The following CPNE5 variants were observed in gnomAD, a reference collection of about 807,000 sequenced individuals.
CPNE5 encodes copine 5.
CPNE5 carries 42 observed loss-of-function variants against 81.1 expected under a neutral mutation model. The ratio of observed to expected loss-of-function variants is 0.52; its 90% CI spans 0.40 to 0.67. CPNE5 has a LOEUF of 0.67. Ranked by LOEUF, CPNE5 falls within the 30% of genes least tolerant of loss-of-function variation. CPNE5 has a pLI of 0.00. For synonymous variants in CPNE5, 313 were observed against 321.5 expected, an observed-to-expected ratio of 0.97 and a Z score of 0.28; for missense variants, 612 against 815.5, an observed-to-expected ratio of 0.75 and a Z score of 3.04.
rs1561833514 is a variant in CPNE5, at chr6:36,834,302, AGGGAGGG to A, written c.95+4974_95+4980del. Among the ~76,000 whole-genome samples the A allele has an allele frequency of 3.4e-3, 259 of 76,962 alleles. 4 individuals carry two copies. The highest frequency in any genetic ancestry group is 0.014 in the African/African-American group (248 of 17,506). The allele number at this position is 76,962 out of a possible 152,430, so 50.5% of individuals were successfully genotyped here. A position where few individuals can be genotyped will look rare whatever the true frequency, so the allele number is the denominator to read the frequency against. ...AAGGAAGGAAGGGAGGGAGGGAGGG[AGGGAGGG>A]AGGAAGGAAGGAAAGAAAAAAAAAA... is the stretch of plus-strand genomic sequence containing the variant. On this transcript the variant is annotated intron_variant, in intron 1 of 20. Transcript: ENST00000244751.
intron 10 of CPNE5, among the ~76,000 whole-genome samples, chr6:36,765,739 A>G (rs533594455): frequency 6.6e-6 from 1 of 151,948 alleles, no homozygotes; most frequent in African/African-American, 2.4e-5. Flanking sequence ...GGGAGGTGGG[A>G]GTGTGGTGCT....
rs1772107055 is a variant in CPNE5 at position 36,822,144 on chromosome 6, G to A, written c.153C>T (p.Thr51=). Residue 51 remains threonine (T), a synonymous_variant, in exon 3 of 21, where the codon ACC becomes ACT. Transcript: ENST00000244751. The part of the protein sequence containing the change: ...SKSDPLCVMY[T]QGMENKQWRE... ...GCCACTGCTTGTTCTCCATCCCTTG[G>A]GTATACATGACGCACACTGCGGGGG... The A allele has an allele frequency of 6.5e-7, 1 of 1,536,114 alleles. No individual in the cohort carries two copies. The highest frequency in any genetic ancestry group is 8.8e-7 in the Non-Finnish European group (1 of 1,135,520).
chr6:36,778,499 T>C (rs763741437), intron 9 of CPNE5, among the ~76,000 whole-genome samples: 13 of 152,046 alleles, frequency 8.6e-5, no homozygotes, highest in Non-Finnish European at 1.6e-4. Context: ...TTGTGTAGAA[T>C]GAAGGAGCTA....
chr6:36,781,857 G>A (rs1319463704), intron 8 of CPNE5, among the ~76,000 whole-genome samples: 1 of 152,188 alleles, frequency 6.6e-6, no homozygotes, highest in Admixed American at 6.5e-5. Context: ...CCTTCCCACA[G>A]AGGTGACCCG....
chr6:36,829,979 G>C (rs1357537816), intron 1 of CPNE5, among the ~76,000 whole-genome samples: 4 of 152,012 alleles, frequency 2.6e-5, no homozygotes, highest in African/African-American at 9.7e-5. Context: ...TGGAGTGGGA[G>C]AGAGATGACA....
Position 36,756,953 on chromosome 6 carries a change from G to A in CPNE5, c.856-655C>T, listed in dbSNP as rs1451585762. On this transcript the variant is annotated intron_variant, in intron 12 of 20. Coordinates refer to ENST00000244751, the MANE Select transcript of CPNE5 (RefSeq NM_020939.2). Reference sequence around the variant, plus strand: ...CAACCAGGGGCGATTTTACCCCCAGGAACGTTTGGTAACATCTGGAGACGG... The same window carrying A: ...CAACCAGGGGCGATTTTACCCCCAGAAACGTTTGGTAACATCTGGAGACGG... Among the ~76,000 whole-genome samples the A allele has an allele frequency of 5.3e-5, 8 of 152,210 alleles. No homozygotes were observed. The East Asian group carries it at 1.3e-3, about 26-fold the overall frequency.
Position 36,746,335 on chromosome 6 carries a change from C to A in CPNE5, c.1200+61G>T. ...GAGGAAGGGAAACGTCCCCCCACCC[C>A]CAGCTTGTCACCTCACCCCCAGCCT... is the stretch of plus-strand genomic sequence containing the variant. On this transcript the variant is annotated intron_variant, in intron 16 of 20. Transcript: ENST00000244751. The surrounding 1 kb of genome is among the most constrained non-coding windows in gnomAD (Gnocchi z 4.5). The A allele has an allele frequency of 7.1e-7, 1 of 1,402,980 alleles. No homozygotes were observed. Among genetic ancestry groups the A allele is most frequent in the South Asian group, 1.3e-5 (1 of 76,032 alleles). The allele number at this position is 1,402,980 out of a possible 1,614,324, so 86.9% of individuals were successfully genotyped here. A position where few individuals can be genotyped will look rare whatever the true frequency, so the allele number is the denominator to read the frequency against.
intron 1 of CPNE5, chr6:36,827,768 G>A: frequency 1.0e-6 from 1 of 985,298 alleles, no homozygotes; most frequent in Non-Finnish European, 1.2e-6. Flanking sequence ...CTGACGAAGG[G>A]CCCGAGACAC....
At chr6:36,781,645 G>C (rs1768044692) in intron 8 of CPNE5, among the ~76,000 whole-genome samples, 2 of 152,180 alleles carry the variant, frequency 1.3e-5, no homozygotes, top group Admixed American at 1.3e-4. Flanking sequence ...CCCCATCCAT[G>C]TCCTGGGACA....
At chr6:36,835,266 C>T (rs552861179) in intron 1 of CPNE5, among the ~76,000 whole-genome samples, 4 of 152,182 alleles carry the variant, frequency 2.6e-5, no homozygotes, top group African/African-American at 9.7e-5. Flanking sequence ...CAGATCCCTG[C>T]GTGGAGACCT....
chr6:36,776,343 C>T (rs530861191), intron 9 of CPNE5, among the ~76,000 whole-genome samples: 60 of 152,362 alleles, frequency 3.9e-4, no homozygotes, highest in African/African-American at 1.4e-3. Flanking sequence ...GTCACCATGG[C>T]TTAGCGTTTT....
rs1309590550 is a variant in CPNE5 at position 36,792,397 on chromosome 6, C to T, written c.465-301G>A. On this transcript the variant is annotated intron_variant, in intron 7 of 20. Transcript: ENST00000244751. ...AATTGGAAAAGCATCCAGACTCACC[C>T]GGAGGCTTCCAGACCAGTGGTTCTC... 1.4e-5 allele frequency: 20 copies of T among 1,447,562 alleles called. No homozygotes were observed. The South Asian group carries it at 1.5e-4, about 11-fold the overall frequency. The allele number at this position is 1,447,562 out of a possible 1,614,324, so 89.7% of individuals were successfully genotyped here.
At chr6:36,770,103 C>G (rs1766928213) in intron 10 of CPNE5, among the ~76,000 whole-genome samples, 1 of 152,176 alleles carries the variant, frequency 6.6e-6, no homozygotes, top group Non-Finnish European at 1.5e-5. Flanking sequence ...CATCACCCCA[C>G]TTTACCCCAC....
chr6:36,744,734 G>T (rs1049523115), intron 18 of CPNE5, among the ~76,000 whole-genome samples: 1 of 152,208 alleles, frequency 6.6e-6, no homozygotes, highest in Non-Finnish European at 1.5e-5. Context: ...TAATGAGGGA[G>T]TCATTGGGGT....
intron 13 of CPNE5, among the ~76,000 whole-genome samples, chr6:36,754,007 C>T (rs145935908): frequency 6.6e-6 from 1 of 152,222 alleles, no homozygotes; most frequent in East Asian, 1.9e-4. Flanking sequence ...GCAGTAAGAC[C>T]CCCAGCTATT....
intron 16 of CPNE5, 31 bp from the exon 17 acceptor site, chr6:36,745,546 CAGGA>C (rs756465450): frequency 1.9e-6 from 3 of 1,586,106 alleles, no homozygotes; most frequent in Non-Finnish European, 2.6e-6. Context: ...AGGCTGAGCC[CAGGA>C]AGGAAGGACA....
intron 3 of CPNE5, among the ~76,000 whole-genome samples, chr6:36,802,031 C>A (rs1376006214): frequency 1.3e-5 from 2 of 151,804 alleles, no homozygotes; most frequent in Admixed American, 1.3e-4. Flanking sequence ...CCATCCTGGC[C>A]AACATGGTGA....
intron 1 of CPNE5, among the ~76,000 whole-genome samples, chr6:36,836,929 G>C (rs950309463): frequency 1.3e-5 from 2 of 152,006 alleles, no homozygotes; most frequent in East Asian, 1.9e-4. Flanking sequence ...TGGCTTTCTG[G>C]AGAACATGAG....
intron 10 of CPNE5, among the ~76,000 whole-genome samples, chr6:36,769,703 G>A (rs781512933): frequency 2.0e-5 from 3 of 152,192 alleles, no homozygotes; most frequent in Admixed American, 1.3e-4. Flanking sequence ...GCGCAACACC[G>A]GGCAGTGCCG....
Sources: allele counts gnomAD v4.1 joint callset (sites outside exome capture counted in the v4.1 genomes callset), GRCh38; gene constraint gnomAD v4.1.1; non-coding constraint Gnocchi (gnomAD v3.1); transcripts MANE v1.5; gene names NCBI Gene and HGNC (gene_info 2026-07-23, HGNC 2026-07-21).